PDE1A: variants seen among roughly 807,000 people sequenced by gnomAD.
PDE1A encodes phosphodiesterase 1A, also known as dual specificity calcium/calmodulin-dependent 3',5'-cyclic nucleotide phosphodiesterase 1A.
PDE1A carries 35 observed loss-of-function variants against 61.7 expected under a neutral mutation model. The ratio of observed to expected loss-of-function variants is 0.57; its 90% CI spans 0.43 to 0.75. The LOEUF is 0.75. PDE1A is among the 30% of genes least tolerant of loss of function. The pLI is 0.00. For missense variants in PDE1A, 597 were observed against 630.6 expected (o/e 0.95, Z 0.57); for synonymous variants, 232 against 213.2 (o/e 1.09, Z -0.77).
At chr2:182,206,006 G>A in exon 8 of PDE1A, 1 of 1,611,204 alleles carries the variant, frequency 6.2e-7, no homozygotes, top group South Asian at 1.1e-5. Context: ...TCGATAAGCT[G>A]CACTCACGTG....
chr2:182,189,121 C>A, intron 10 of PDE1A, 61 bp from the exon 11 acceptor site: 1 of 1,034,844 alleles, frequency 9.7e-7, no homozygotes, highest in Non-Finnish European at 1.5e-6. Context: ...TAATGAGCAA[C>A]CTAAGATATA....
chr2:182,220,202 T>C (rs1401945471), intron 7 of PDE1A, among the ~76,000 whole-genome samples: 1 of 152,078 alleles, frequency 6.6e-6, no homozygotes, highest in Non-Finnish European at 1.5e-5. Context: ...CATACCTCAA[T>C]ATACAGAAAT....
chr2:182,671,017 G>A, the PDE1A span, among the ~76,000 whole-genome samples: 2 of 151,770 alleles, frequency 1.3e-5, no homozygotes, highest in African/African-American at 2.4e-5. Flanking sequence ...GGGGTTTCAC[G>A]ATGTTGGCCA....
the PDE1A span, among the ~76,000 whole-genome samples, chr2:182,669,885 T>C: frequency 6.6e-6 from 1 of 152,236 alleles, no homozygotes; most frequent in Non-Finnish European, 1.5e-5. Context: ...CAGAGATTCA[T>C]TCCTTGTCTA....
At chr2:182,155,510 A>G (rs1311176379) in intron 13 of PDE1A, among the ~76,000 whole-genome samples, 1 of 152,216 alleles carries the variant, frequency 6.6e-6, no homozygotes, top group Non-Finnish European at 1.5e-5. Context: ...ATAAACATGT[A>G]TAATTCATCT....
chr2:182,400,798 G>C (rs1009970780), intron 1 of PDE1A, among the ~76,000 whole-genome samples: 2 of 152,156 alleles, frequency 1.3e-5, no homozygotes, highest in East Asian at 3.9e-4. Flanking sequence ...GGTGAATAAT[G>C]GCAGGTACTA....
chr2:182,209,871 C>A (rs116081658), intron 7 of PDE1A, among the ~76,000 whole-genome samples: 23 of 152,248 alleles, frequency 1.5e-4, no homozygotes, highest in Non-Finnish European at 3.1e-4. Context: ...GTTATCCATT[C>A]TCTGCCAGCT....
At chr2:182,518,598 A>G (rs1690363695) in intron 2 of PDE1A, among the ~76,000 whole-genome samples, 2 of 152,302 alleles carry the variant, frequency 1.3e-5, no homozygotes, top group South Asian at 4.1e-4. Flanking sequence ...GATCAGATAT[A>G]AAGTTAGCTT....
chr2:182,232,564 T>G (rs1437389241), intron 4 of PDE1A, among the ~76,000 whole-genome samples: 1 of 152,244 alleles, frequency 6.6e-6, no homozygotes, highest in Non-Finnish European at 1.5e-5. Flanking sequence ...TTTAATCACT[T>G]GGAAACAAGC....
chr2:182,499,180 T>TTTTTTTTTG (rs1688932026), intron 2 of PDE1A, among the ~76,000 whole-genome samples: 1 of 118,722 alleles, frequency 8.4e-6, no homozygotes, highest in African/African-American at 3.6e-5. Context: ...CTTGTTTTTT[T>TTTTTTTTTG]TTTTTTTTTT....
intron 13 of PDE1A, among the ~76,000 whole-genome samples, chr2:182,174,842 C>G (rs1226945671): frequency 6.6e-6 from 1 of 151,694 alleles, no homozygotes; most frequent in Admixed American, 6.6e-5. Context: ...TTTGCTGCAC[C>G]CATCAACCCG....
intron 2 of PDE1A, among the ~76,000 whole-genome samples, chr2:182,450,174 C>T (rs369612639): frequency 6.6e-6 from 1 of 151,996 alleles, no homozygotes; most frequent in Admixed American, 6.6e-5. Context: ...TTAATTACTC[C>T]TACTGCTAAC....
chr2:182,169,673 A>G (rs1438602544), intron 13 of PDE1A, among the ~76,000 whole-genome samples: 1 of 152,060 alleles, frequency 6.6e-6, no homozygotes. Flanking sequence ...AAGACAGATG[A>G]GCTTCACAGA....
intron 1 of PDE1A, among the ~76,000 whole-genome samples, chr2:182,341,700 C>A (rs1479450835): frequency 2.0e-5 from 3 of 152,190 alleles, no homozygotes; most frequent in Admixed American, 2.0e-4. Flanking sequence ...TACTCTGGTG[C>A]TTTATTGTGT....
chr2:182,487,501 C>A (rs1688092789), intron 2 of PDE1A, among the ~76,000 whole-genome samples: 1 of 152,138 alleles, frequency 6.6e-6, no homozygotes, highest in Non-Finnish European at 1.5e-5. Context: ...CAAAACCTGT[C>A]AATCCACTGG....
intron 2 of PDE1A, among the ~76,000 whole-genome samples, chr2:182,515,587 C>T (rs1056855741): frequency 4.6e-5 from 7 of 152,120 alleles, no homozygotes; most frequent in South Asian, 2.1e-4. Context: ...ATTAAGACTA[C>T]GTCTACACAT....
At chr2:182,449,903 T>C (rs562741578) in intron 2 of PDE1A, among the ~76,000 whole-genome samples, 1 of 152,110 alleles carries the variant, frequency 6.6e-6, no homozygotes, top group East Asian at 1.9e-4. Context: ...CTATAGTATA[T>C]GTAGCATTTA....
Position 182,451,125 on chromosome 2 carries a change from TCCCA to T in PDE1A, c.101+71147_101+71150del, listed in dbSNP as rs1445797430. 1.7e-4 allele frequency among the ~76,000 whole-genome samples: 14 copies of T among 83,264 alleles called. 2 individuals carry two copies. Among genetic ancestry groups the T allele is most frequent in the East Asian group, 2.6e-3 (2 of 776 alleles). The allele number at this position is 83,264 out of a possible 152,430, so 54.6% of individuals were successfully genotyped here. On this transcript the variant is annotated intron_variant, in intron 2 of 14. Transcript: ENST00000410103. Reference sequence around the variant, plus strand: ...CGGGCGCGGTGGCTCACGCCTGTAATCCCAGCACTTTGGGAGGCCGAGGCGGGCG... The same window carrying T: ...CGGGCGCGGTGGCTCACGCCTGTAATGCACTTTGGGAGGCCGAGGCGGGCG...
chr2:182,481,747 C>T (rs956221141), intron 2 of PDE1A, among the ~76,000 whole-genome samples: 2 of 151,884 alleles, frequency 1.3e-5, no homozygotes, highest in Admixed American at 6.6e-5. Flanking sequence ...AGTCCAATCT[C>T]GTCTCTTTTC....
Sources: allele counts gnomAD v4.1 joint callset (sites outside exome capture counted in the v4.1 genomes callset), GRCh38; gene constraint gnomAD v4.1.1; transcripts MANE v1.5; gene names NCBI Gene and HGNC (gene_info 2026-07-23, HGNC 2026-07-21).